The following GCNT2 variants were observed in gnomAD, a reference collection of about 807,000 sequenced individuals.
The protein encoded by GCNT2 is N-acetyllactosaminide beta-1,6-N-acetylglucosaminyl-transferase.
Under a neutral mutation model 34.2 loss-of-function variants are expected in GCNT2, and 34 were observed. The observed-to-expected ratio is 1.00, with a 90% CI of 0.76 to 1.32. The LOEUF is 1.32. Among genes scored for constraint, GCNT2 ranks in the 40% most tolerant of loss-of-function variants. The probability of loss-of-function intolerance (pLI) is 0.00; values close to 1 mark genes in which losing one functional copy is unlikely to be tolerated. For synonymous variants in GCNT2, 212 were observed against 188.0 expected (o/e 1.13, Z -1.04); for missense variants, 584 against 489.4 (o/e 1.19, Z -1.82).
At chr6:10,566,320 CA>C (rs1763283193) in intron 3 of GCNT2, among the ~76,000 whole-genome samples, 1 of 151,856 alleles carries the variant, frequency 6.6e-6, no homozygotes, top group Non-Finnish European at 1.5e-5. Flanking sequence ...TTTTAGGAGA[CA>C]AGGCCTGGCT....
chr6:10,567,456 CAAAGAA>C (rs1209010553), intron 3 of GCNT2, among the ~76,000 whole-genome samples: 2 of 151,974 alleles, frequency 1.3e-5, no homozygotes, highest in African/African-American at 4.8e-5. Context: ...GATGCTATCT[CAAAGAA>C]AAAGAAAAAA....
chr6:10,584,486 C>T (rs971590300), intron 3 of GCNT2, among the ~76,000 whole-genome samples: 3 of 152,158 alleles, frequency 2.0e-5, no homozygotes, highest in Admixed American at 2.0e-4. Context: ...TTCACTAATC[C>T]TCCTCAGCAC....
Position 10,573,222 on chromosome 6 carries a change from C to G in GCNT2, c.925+43386C>G. 4.1e-6 allele frequency: 4 copies of G among 984,678 alleles called. No individual in the cohort carries two copies. In the South Asian group the frequency reaches 1.9e-4, roughly 46 times the overall value. The allele number at this position is 984,678 out of a possible 1,614,324, so 61.0% of individuals were successfully genotyped here. ...AGTGTCTCTTGGAACTTCTCAACTT[C>G]TTTTTCCTCGGATGCGACATTCGGA... On this transcript the variant is annotated intron_variant, in intron 3 of 4. Transcript: ENST00000495262.
At chr6:10,563,084 G>A (rs909327734) in intron 3 of GCNT2, among the ~76,000 whole-genome samples, 2 of 152,110 alleles carry the variant, frequency 1.3e-5, no homozygotes, top group African/African-American at 4.8e-5. Flanking sequence ...GAACCCGGGA[G>A]GCAGAGGTTG....
intron 3 of GCNT2, among the ~76,000 whole-genome samples, chr6:10,591,552 GTC>G (rs1430849879): frequency 6.6e-6 from 1 of 152,194 alleles, no homozygotes; most frequent in African/African-American, 2.4e-5. Context: ...CCATGATGCA[GTC>G]GGATTCTGAT....
Position 10,529,583 on chromosome 6 carries a change from C to T in GCNT2, c.672C>T (p.His224=), listed in dbSNP as rs762582303. ...CCCCCGGAGTGCTGCCTCCTGACCA[C>T]GCTGTTGGACGGACTAAATACGTCC... ...NITPGVLPPD[H]AVGRTKYVHQ... is the part of the protein sequence containing the mutation. Residue 224 remains histidine, a synonymous_variant, in exon 3 of 5, where the codon CAC becomes CAT. Transcript: ENST00000495262. 1.2e-5 allele frequency: 20 copies of T among 1,613,990 alleles called. No individual in the cohort carries two copies. The highest frequency in any genetic ancestry group is 1.5e-5 in the Non-Finnish European group (18 of 1,179,970).
At chr6:10,548,070 A>G (rs1416255195) in intron 3 of GCNT2, among the ~76,000 whole-genome samples, 1 of 152,106 alleles carries the variant, frequency 6.6e-6, no homozygotes, top group East Asian at 1.9e-4. Context: ...TCCAAGAAGG[A>G]AGCCCTGGTT....
At chr6:10,564,720 T>C (rs1763199443) in intron 3 of GCNT2, among the ~76,000 whole-genome samples, 1 of 152,190 alleles carries the variant, frequency 6.6e-6, no homozygotes, top group Non-Finnish European at 1.5e-5. Context: ...ACAATAATAA[T>C]AGATATCAAA....
At chr6:10,614,207 C>A (rs1765671171) in intron 3 of GCNT2, among the ~76,000 whole-genome samples, 1 of 152,084 alleles carries the variant, frequency 6.6e-6, no homozygotes, top group Admixed American at 6.5e-5. Flanking sequence ...CACCAGAAGT[C>A]TTGTTGAATA....
At chr6:10,592,354 G>T (rs558663805) in intron 3 of GCNT2, among the ~76,000 whole-genome samples, 16 of 152,144 alleles carry the variant, frequency 1.1e-4, no homozygotes, top group Non-Finnish European at 2.2e-4. Flanking sequence ...GACCAGTCTG[G>T]CTTATTTAAC....
At chr6:10,549,346 A>G (rs77186463) in intron 3 of GCNT2, among the ~76,000 whole-genome samples, 5,425 of 152,200 alleles carry the variant, frequency 0.036, 310 homozygotes, top group African/African-American at 0.12. Flanking sequence ...TTTGATGAAT[A>G]TATTTCATTT....
intron 3 of GCNT2, among the ~76,000 whole-genome samples, chr6:10,601,777 C>T (rs980434331): frequency 3.9e-5 from 6 of 151,950 alleles, no homozygotes; most frequent in Non-Finnish European, 5.9e-5. Flanking sequence ...CCCGTCTCTA[C>T]TAAAAATACA....
chr6:10,574,903 A>T, intron 3 of GCNT2: 1 of 700,610 alleles, frequency 1.4e-6, no homozygotes, highest in South Asian at 1.4e-5. Context: ...GTTTTTCTTC[A>T]AGCGTTTCAG....
intron 3 of GCNT2, among the ~76,000 whole-genome samples, chr6:10,560,667 G>A (rs1762935265): frequency 6.6e-6 from 1 of 152,070 alleles, no homozygotes; most frequent in South Asian, 2.1e-4. Context: ...AGTGAAAATC[G>A]GTTCGAATTG....
At chr6:10,570,148 T>C (rs894866592) in intron 3 of GCNT2, among the ~76,000 whole-genome samples, 2 of 152,156 alleles carry the variant, frequency 1.3e-5, no homozygotes, top group African/African-American at 4.8e-5. Context: ...TTACTCAGGC[T>C]GGTCTTGAAC....
rs753973035 is a variant in GCNT2, at chr6:10,529,217, C to T, written c.306C>T (p.Thr102=). 1.2e-6 allele frequency: 2 copies of T among 1,614,150 alleles called. No individual in the cohort carries two copies. The highest frequency in any genetic ancestry group is 1.7e-6 in the Non-Finnish European group (2 of 1,180,012). Residue 102 remains threonine, a synonymous_variant, in exon 3 of 5, where the codon ACC becomes ACT. Coordinates refer to ENST00000495262, the MANE Select transcript of GCNT2 (RefSeq NM_145649.5). ...EAGFPLAYTV[T]IHKDFGTFER... Reference sequence around the variant, plus strand: ...GGTTCCCTTTAGCTTACACAGTGACCATCCACAAAGACTTCGGCACTTTTG... The same window carrying T: ...GGTTCCCTTTAGCTTACACAGTGACTATCCACAAAGACTTCGGCACTTTTG...
At chr6:10,537,606 C>T (rs1169994576) in intron 3 of GCNT2, among the ~76,000 whole-genome samples, 1 of 143,186 alleles carries the variant, frequency 7.0e-6, no homozygotes, top group Non-Finnish European at 1.5e-5. Flanking sequence ...GAGGCTGAAG[C>T]AGGGGAATCG....
chr6:10,550,008 G>A (rs939790362), intron 3 of GCNT2, among the ~76,000 whole-genome samples: 5 of 152,078 alleles, frequency 3.3e-5, no homozygotes, highest in African/African-American at 1.2e-4. Flanking sequence ...CATCATTTGA[G>A]TTCATGTTTA....
At chr6:10,556,037 A>C in intron 3 of GCNT2, 13 of 1,028,648 alleles carry the variant, frequency 1.3e-5, no homozygotes, top group Non-Finnish European at 1.6e-5. Flanking sequence ...GGCAGTAACC[A>C]GGGGGCGGGG....
Sources: allele counts gnomAD v4.1 joint callset (sites outside exome capture counted in the v4.1 genomes callset), GRCh38; gene constraint gnomAD v4.1.1; transcripts MANE v1.5; gene names NCBI Gene and HGNC (gene_info 2026-07-23, HGNC 2026-07-21).